The following PTPRM variants were observed in gnomAD, a reference collection of about 807,000 sequenced individuals.
PTPRM encodes protein tyrosine phosphatase receptor type M.
Under a neutral mutation model 186.7 loss-of-function variants are expected in PTPRM, and 47 were observed. The ratio of observed to expected loss-of-function variants is 0.25; its 90% CI spans 0.20 to 0.32. PTPRM has a LOEUF of 0.32. PTPRM is among the 10% of genes least tolerant of loss of function. The probability of loss-of-function intolerance (pLI) is 1.00; values close to 1 mark genes in which losing one functional copy is unlikely to be tolerated. For synonymous variants in PTPRM, 668 were observed against 674.9 expected, an observed-to-expected ratio of 0.99 and a Z score of 0.16; for missense variants, 1,494 against 1,865.0, an observed-to-expected ratio of 0.80 and a Z score of 3.66.
intron 19 of PTPRM, among the ~76,000 whole-genome samples, chr18:8,294,242 A>T (rs1454197620): frequency 6.6e-6 from 1 of 152,012 alleles, no homozygotes; most frequent in Non-Finnish European, 1.5e-5. Flanking sequence ...ACAGGGTGAG[A>T]CTCTGTCTCA....
rs192966657 is a variant in PTPRM, at chr18:7,950,060, C to G, written c.838+705C>G. ...TTAGACAACCTGTGGCAAGCCATTGCTGTTTTTCCTAGGAGAACAGAATGA... is the reference window on the plus strand; with the variant it reads ...TTAGACAACCTGTGGCAAGCCATTGGTGTTTTTCCTAGGAGAACAGAATGA... On this transcript the variant is annotated intron_variant, in intron 6 of 32. Transcript: ENST00000580170. 5.5e-3 allele frequency among the ~76,000 whole-genome samples: 841 copies of G among 152,172 alleles called. 2 individuals are homozygous for G. Among genetic ancestry groups the G allele is most frequent in the Non-Finnish European group, 9.3e-3 (630 of 68,018 alleles).
intron 2 of PTPRM, among the ~76,000 whole-genome samples, chr18:7,820,240 C>G (rs1439271406): frequency 6.6e-6 from 1 of 152,142 alleles, no homozygotes; most frequent in African/African-American, 2.4e-5. Context: ...ACAGGTACAT[C>G]TACAGAGGTA....
Position 7,668,206 on chromosome 18 carries a change from C to T in PTPRM, c.73+100315C>T, listed in dbSNP as rs936114870. Among the ~76,000 whole-genome samples, 1 of 152,172 alleles carries T rather than the reference C, an allele frequency of 6.6e-6. No individual in the cohort carries two copies. The highest frequency in any genetic ancestry group is 2.4e-5 in the African/African-American group (1 of 41,450). ...GTGTGCATGGTGAGGAGCTGCACCA[C>T]GGTGGTGCCCGCAGACGCTGCTTCG... On this transcript the variant is annotated intron_variant, in intron 1 of 32. Transcript: ENST00000580170. This position sits in a 1 kb window ranked among gnomAD's most constrained non-coding sequence, Gnocchi z 4.7.
At chr18:8,098,459 C>G (rs1211038598) in intron 11 of PTPRM, among the ~76,000 whole-genome samples, 2 of 151,990 alleles carry the variant, frequency 1.3e-5, no homozygotes, top group Non-Finnish European at 1.5e-5. Flanking sequence ...ATAAGAAGAC[C>G]CTAGACCTTC....
intron 1 of PTPRM, among the ~76,000 whole-genome samples, chr18:7,618,888 A>G (rs1287663416): frequency 6.6e-6 from 1 of 152,252 alleles, no homozygotes; most frequent in Non-Finnish European, 1.5e-5. Flanking sequence ...CAAAGCAAAT[A>G]ATGAAGGCAT....
intron 32 of PTPRM, among the ~76,000 whole-genome samples, chr18:8,396,037 C>G (rs1281551524): frequency 1.3e-5 from 2 of 152,184 alleles, no homozygotes; most frequent in African/African-American, 4.8e-5. Context: ...CAGAAGGGCT[C>G]TAAGTGCCCT....
At chr18:7,960,849 A>G (rs1340016989) in intron 7 of PTPRM, among the ~76,000 whole-genome samples, 1 of 152,102 alleles carries the variant, frequency 6.6e-6, no homozygotes, top group Non-Finnish European at 1.5e-5. Flanking sequence ...AAAATAGAAG[A>G]AGGGATAGAG....
At chr18:7,848,036 A>G (rs1445181075) in intron 2 of PTPRM, among the ~76,000 whole-genome samples, 1 of 152,202 alleles carries the variant, frequency 6.6e-6, no homozygotes, top group Non-Finnish European at 1.5e-5. Context: ...ATGAGTCTGA[A>G]TTCGCACCCA....
At position 8,253,360 on chromosome 18, in the gene PTPRM, G is replaced by T; in HGVS notation, c.2700G>T (p.Gln900His). ...CCATCCGGGTGGCAGACCTCCTTCA[G>T]CACATCACACAGATGAAGTGTGCGG... The part of the protein sequence containing the change: ...HPAIRVADLL[Q>H]HITQMKCAEG... Residue 900 changes from glutamine (Q) to histidine (H), a missense_variant, in exon 19 of 33, where the codon CAG becomes CAT. Physicochemically the swap from Gln to His is conservative, Grantham distance 24. Coordinates refer to ENST00000580170, the MANE Select transcript of PTPRM (RefSeq NM_001105244.2). The T allele has an allele frequency of 6.3e-7, 1 of 1,595,004 alleles. No homozygotes were observed. The highest frequency in any genetic ancestry group is 8.5e-7 in the Non-Finnish European group (1 of 1,171,036).
chr18:8,172,234 A>G (rs2093412909), intron 14 of PTPRM, among the ~76,000 whole-genome samples: 1 of 150,206 alleles, frequency 6.7e-6, no homozygotes, highest in African/African-American at 2.4e-5. Context: ...CAGATAAAGC[A>G]CTGTTCCTGA....
intron 14 of PTPRM, among the ~76,000 whole-genome samples, chr18:8,212,679 T>G (rs991287575): frequency 2.6e-5 from 4 of 152,082 alleles, no homozygotes; most frequent in Non-Finnish European, 4.4e-5. Context: ...TGATGGTGCA[T>G]GCCTGTAGTC....
intron 7 of PTPRM, among the ~76,000 whole-genome samples, chr18:7,987,606 G>A (rs538024554): frequency 6.6e-6 from 1 of 152,228 alleles, no homozygotes; most frequent in East Asian, 1.9e-4. Flanking sequence ...GGGACCCCTA[G>A]ACTCTCCAGG....
chr18:8,038,770 C>A (rs2086509264), intron 7 of PTPRM, among the ~76,000 whole-genome samples: 1 of 152,128 alleles, frequency 6.6e-6, no homozygotes, highest in Admixed American at 6.6e-5. Context: ...TCCAGCAGCC[C>A]TTTAGTCAGC....
intron 31 of PTPRM, among the ~76,000 whole-genome samples, chr18:8,394,027 C>T (rs902985719): frequency 2.6e-5 from 4 of 152,162 alleles, no homozygotes; most frequent in Non-Finnish European, 5.9e-5. Flanking sequence ...CTCCTGACCT[C>T]GTGATCCACC....
At chr18:8,302,884 C>T (rs977566930) in intron 20 of PTPRM, among the ~76,000 whole-genome samples, 1 of 151,988 alleles carries the variant, frequency 6.6e-6, no homozygotes, top group Non-Finnish European at 1.5e-5. Flanking sequence ...ATGAGATCAA[C>T]AGCAGCTTAT....
At chr18:8,069,595 G>A (rs1350795982) in intron 7 of PTPRM, 91 bp from the exon 8 acceptor site, 2 of 1,149,624 alleles carry the variant, frequency 1.7e-6, no homozygotes, top group Non-Finnish European at 2.4e-6. Context: ...AGGTGGTGGG[G>A]ACAACTGGGA....
At chr18:7,822,836 C>T (rs1443814534) in intron 2 of PTPRM, among the ~76,000 whole-genome samples, 1 of 152,134 alleles carries the variant, frequency 6.6e-6, no homozygotes, top group African/African-American at 2.4e-5. Flanking sequence ...TATTCTTGGC[C>T]GTCCTCTCTT....
intron 1 of PTPRM, among the ~76,000 whole-genome samples, chr18:7,766,282 A>G (rs926577180): frequency 1.1e-4 from 16 of 152,360 alleles, no homozygotes; most frequent in African/African-American, 3.1e-4. Flanking sequence ...GAGAAGCAAC[A>G]TAGTAATTTA....
chr18:7,619,021 C>G (rs2037874608), intron 1 of PTPRM, among the ~76,000 whole-genome samples: 1 of 152,126 alleles, frequency 6.6e-6, no homozygotes, highest in Non-Finnish European at 1.5e-5. Flanking sequence ...GGAGGATTTA[C>G]TTAGCAGTTT....
Sources: allele counts gnomAD v4.1 joint callset (sites outside exome capture counted in the v4.1 genomes callset), GRCh38; gene constraint gnomAD v4.1.1; non-coding constraint Gnocchi (gnomAD v3.1); transcripts MANE v1.5; gene names NCBI Gene and HGNC (gene_info 2026-07-23, HGNC 2026-07-21).